Variants in LRIF1 observed in about 807,000 individuals in gnomAD.
The protein encoded by LRIF1 is ligand dependent nuclear receptor interacting factor 1, also known as ligand-dependent nuclear receptor-interacting factor 1.
In LRIF1, 32 loss-of-function variants were observed where a neutral mutation model predicts 52.7. The observed-to-expected ratio is 0.61, with a 90% confidence interval of 0.46 to 0.82. LRIF1 has a LOEUF of 0.82. LRIF1 is among the 40% of genes least tolerant of loss of function. The pLI, the probability that LRIF1 is intolerant of heterozygous loss-of-function variation, is 0.00. For missense variants in LRIF1, 887 were observed against 892.0 expected (o/e 0.99, Z 0.07); for synonymous variants, 323 against 317.4 (o/e 1.02, Z -0.19).
chr1:110,896,881 A>G, the LRIF1 span: 1 of 646,416 alleles, frequency 1.5e-6, no homozygotes, highest in African/African-American at 1.8e-5. Context: ...ACCTTGGGTA[A>G]TTAGAAAAGT....
the LRIF1 span, among the ~76,000 whole-genome samples, chr1:110,927,964 T>C: frequency 6.6e-6 from 1 of 152,200 alleles, no homozygotes; most frequent in East Asian, 1.9e-4. Flanking sequence ...TTATACATCA[T>C]TCAAAAAGTG....
chr1:110,892,735 G>A, the LRIF1 span: 5 of 530,780 alleles, frequency 9.4e-6, no homozygotes, highest in African/African-American at 5.8e-5. Flanking sequence ...AGAGGGCATT[G>A]CTATCCCCCT....
At chr1:110,952,918 T>C (rs1309757541) in intron 1 of LRIF1, 103 bp from the exon 2 acceptor site, 13 of 677,004 alleles carry the variant, frequency 1.9e-5, no homozygotes, top group Non-Finnish European at 2.6e-5. Flanking sequence ...AAATAAAGTA[T>C]ATAATTTTCC....
At chr1:110,919,421 T>C in the LRIF1 span, among the ~76,000 whole-genome samples, 26 of 145,680 alleles carry the variant, frequency 1.8e-4, no homozygotes, top group Non-Finnish European at 3.3e-4. Context: ...AACATCGGAC[T>C]CCTAGTTCTT....
the LRIF1 span, among the ~76,000 whole-genome samples, chr1:110,880,903 C>G: frequency 3.3e-5 from 5 of 152,032 alleles, no homozygotes; most frequent in African/African-American, 9.7e-5. Flanking sequence ...GAGAGGACTT[C>G]CTGGAAAAGT....
chr1:110,952,267 T>C lies in LRIF1; in HGVS notation c.617A>G (p.Gln206Arg). Residue 206 changes from glutamine to arginine, a missense_variant, in exon 2 of 4, where the codon CAG becomes CGG. Coordinates refer to ENST00000369763, the MANE Select transcript of LRIF1 (RefSeq NM_018372.4). ...GGTGGCAGTTGCAAGTATCTTTTGC[T>C]GCACTGAAGGAGGCAATGATGACGC... ...VPASSLPPSVQQKILATATTS... is the reference protein window; with the variant it reads ...VPASSLPPSVRQKILATATTS... The C allele has an allele frequency of 6.2e-7, 1 of 1,614,218 alleles. No homozygotes were observed. Among genetic ancestry groups the C allele is most frequent in the Non-Finnish European group, 8.5e-7 (1 of 1,180,024 alleles).
At chr1:110,876,896 C>T in the LRIF1 span, among the ~76,000 whole-genome samples, 2 of 152,176 alleles carry the variant, frequency 1.3e-5, no homozygotes, top group Non-Finnish European at 2.9e-5. Flanking sequence ...TTCTCTGGCT[C>T]TCTCATTTGA....
At position 110,947,283 on chromosome 1, in the gene LRIF1, A is replaced by ACCCCC. The variant is rs1434399434; in HGVS notation, c.*675_*676insGGGGG. 3.9e-5 allele frequency: 6 copies of ACCCCC among 152,168 alleles called. No individual in the cohort carries two copies. Among genetic ancestry groups the ACCCCC allele is most frequent in the African/African-American group, 1.2e-4 (5 of 41,434 alleles). 9.4% of individuals were successfully genotyped at this position (152,168 alleles called of 1,614,324 possible). A position where few individuals can be genotyped will look rare whatever the true frequency, so the allele number is the denominator to read the frequency against. Reference sequence around the variant, plus strand: ...GTAACGTATGTACATAGTCCCAAAAAAAAAAAAAGCAGCATTTGCCTGGGA... The same window carrying ACCCCC: ...GTAACGTATGTACATAGTCCCAAAAACCCCCAAAAAAAAGCAGCATTTGCCTGGGA... On this transcript the variant is annotated 3_prime_UTR_variant, in exon 4 of 4. Transcript: ENST00000369763.
the LRIF1 span, chr1:110,891,543 A>AT: frequency 8.6e-7 from 1 of 1,169,028 alleles, no homozygotes; most frequent in Non-Finnish European, 1.3e-6. Context: ...CCTCTACTGA[A>AT]GAGGCTGGTG....
chr1:110,931,064 C>T, the LRIF1 span, among the ~76,000 whole-genome samples: 2 of 152,050 alleles, frequency 1.3e-5, no homozygotes, highest in Admixed American at 1.3e-4. Context: ...ATACATGTGC[C>T]ATGCTGGTTT....
the LRIF1 span, among the ~76,000 whole-genome samples, chr1:110,901,775 GAGA>G: frequency 6.6e-6 from 1 of 152,150 alleles, no homozygotes; most frequent in East Asian, 1.9e-4. Flanking sequence ...CGTCCCCGGT[GAGA>G]CATTCTCTTG....
At chr1:110,953,021 G>A (rs992794324) in intron 1 of LRIF1, 5 of 229,538 alleles carry the variant, frequency 2.2e-5, no homozygotes, top group Non-Finnish European at 3.3e-5. Context: ...TTAGGCAATG[G>A]GTATGAGATA....
At chr1:110,892,406 T>G in the LRIF1 span, 2 of 1,613,866 alleles carry the variant, frequency 1.2e-6, no homozygotes, top group East Asian at 2.2e-5. Context: ...AACTTCGGAG[T>G]GCTCTTCCAT....
the LRIF1 span, among the ~76,000 whole-genome samples, chr1:110,924,009 G>A: frequency 6.6e-6 from 1 of 151,964 alleles, no homozygotes; most frequent in Admixed American, 6.6e-5. Flanking sequence ...AGATAAAAAG[G>A]AAAAGTCACA....
At chr1:110,907,020 A>T in the LRIF1 span, among the ~76,000 whole-genome samples, 1,250 of 152,340 alleles carry the variant, frequency 8.2e-3, 13 homozygotes, top group Non-Finnish European at 0.013. Flanking sequence ...AGAGTTCTTA[A>T]AGAGGCCCCA....
At chr1:110,906,256 A>T in the LRIF1 span, among the ~76,000 whole-genome samples, 3 of 152,224 alleles carry the variant, frequency 2.0e-5, no homozygotes, top group Admixed American at 2.0e-4. Flanking sequence ...CATAAAATAA[A>T]AAAGAGACAA....
chr1:110,914,311 A>C, the LRIF1 span, among the ~76,000 whole-genome samples: 70 of 152,288 alleles, frequency 4.6e-4, no homozygotes, highest in East Asian at 0.011. Flanking sequence ...CTAAAATAAA[A>C]GTTGAGAAAG....
At chr1:110,938,131 G>A in the LRIF1 span, 2 of 151,982 alleles carry the variant, frequency 1.3e-5, no homozygotes, top group African/African-American at 2.4e-5. Flanking sequence ...ATCAAGCATC[G>A]AGAGAAGAAC....
chr1:110,948,250 T>C lies in LRIF1; in HGVS notation c.2019A>G (p.Ser673=), dbSNP rs1658293666. 6.2e-7 allele frequency: 1 copy of C among 1,614,058 alleles called. No individual in the cohort carries two copies. Among genetic ancestry groups the C allele is most frequent in the Admixed American group, 1.7e-5 (1 of 60,006 alleles). ...SQLLSSILPT[S]DVSQHNILTS... ...TGAGAATGTTATGTTGTGACACATC[T>C]GAAGTTGGTAAAATACTGCTTAGGA... The change falls in exon 4 of 4, where the codon TCA becomes TCG. Residue 673 remains serine (S), a synonymous_variant. Transcript: ENST00000369763.
Sources: allele counts gnomAD v4.1 joint callset (sites outside exome capture counted in the v4.1 genomes callset), GRCh38; gene constraint gnomAD v4.1.1; transcripts MANE v1.5; gene names NCBI Gene and HGNC (gene_info 2026-07-23, HGNC 2026-07-21).